ADAM32: variants seen among roughly 807,000 people sequenced by gnomAD.
ADAM32 encodes the protein ADAM metallopeptidase domain 32.
A neutral mutation model predicts 114.9 loss-of-function variants in ADAM32; 89 were observed. The observed-to-expected ratio is 0.77, with a 90% confidence interval of 0.65 to 0.92. ADAM32 has a LOEUF of 0.92. Ranked by LOEUF, ADAM32 falls within the 40% of genes least tolerant of loss-of-function variation. The probability of loss-of-function intolerance (pLI) is 0.00; values close to 1 mark genes in which losing one functional copy is unlikely to be tolerated. For synonymous variants in ADAM32, 285 were observed against 307.5 expected, an observed-to-expected ratio of 0.93 and a Z score of 0.77; for missense variants, 870 against 932.8, an observed-to-expected ratio of 0.93 and a Z score of 0.88.
intron 16 of ADAM32, among the ~76,000 whole-genome samples, chr8:39,239,283 A>G (rs927159256): frequency 1.3e-5 from 2 of 152,186 alleles, no homozygotes; most frequent in Non-Finnish European, 2.9e-5. Context: ...TTTAAACAAA[A>G]CAATTATCAG....
upstream of ADAM32, chr8:39,107,606 GC>G (rs1395848556): frequency 6.9e-7 from 1 of 1,446,074 alleles, no homozygotes; most frequent in African/African-American, 1.5e-5. Flanking sequence ...CACGCTGCGG[GC>G]CCTTCGTGTT....
At chr8:39,199,368 A>G (rs1271318702) in intron 11 of ADAM32, among the ~76,000 whole-genome samples, 1 of 152,052 alleles carries the variant, frequency 6.6e-6, no homozygotes, top group African/African-American at 2.4e-5. Context: ...ATGCTGTTTC[A>G]TGTGTCATGT....
intron 1 of ADAM32, 87 bp from the exon 2 acceptor site, chr8:39,117,999 A>G (rs1840446792): frequency 1.1e-6 from 1 of 887,044 alleles, no homozygotes; most frequent in East Asian, 3.1e-5. Context: ...CCATACCTGC[A>G]CAAGTAAACT....
intron 2 of ADAM32, chr8:39,129,955 C>CTTTT: frequency 1.3e-4 from 32 of 243,858 alleles, no homozygotes; most frequent in South Asian, 2.6e-4. Flanking sequence ...ATCACATTTC[C>CTTTT]TTTTTTTTTT....
Sources: gnomAD v4.1 joint callset for allele counts (sites outside exome capture counted in the v4.1 genomes callset) on GRCh38, gnomAD v4.1.1 for gene constraint, MANE v1.5 for transcripts, NCBI Gene and HGNC (gene_info 2026-07-23, HGNC 2026-07-21) for gene names.